RAP1GAP: variants seen among roughly 807,000 people sequenced by gnomAD.
RAP1GAP encodes RAP1 GTPase activating protein, also known as rap1 GTPase-activating protein 1.
RAP1GAP carries 35 observed loss-of-function variants against 87.2 expected under a neutral mutation model. That is an observed-to-expected ratio of 0.40 (90% CI 0.31 to 0.53). RAP1GAP has a LOEUF of 0.53. RAP1GAP is among the 20% of genes least tolerant of loss of function. The probability of loss-of-function intolerance (pLI) is 0.48; values close to 1 mark genes in which losing one functional copy is unlikely to be tolerated. For missense variants in RAP1GAP, 734 were observed against 898.9 expected (o/e 0.82, Z 2.35); for synonymous variants, 375 against 363.9 (o/e 1.03, Z -0.35).
intron 1 of RAP1GAP, among the ~76,000 whole-genome samples, chr1:21,660,437 G>A (rs1224584290): frequency 2.0e-5 from 3 of 149,414 alleles, no homozygotes; most frequent in African/African-American, 7.4e-5. Flanking sequence ...GGGTTCAAGC[G>A]ATTCTCTCGC....
At chr1:21,598,822 T>C (rs1646851038) in intron 21 of RAP1GAP, among the ~76,000 whole-genome samples, 2 of 152,234 alleles carry the variant, frequency 1.3e-5, no homozygotes, top group Non-Finnish European at 2.9e-5. Flanking sequence ...CAAGGCAGGC[T>C]GTGAAGAGAC....
intron 10 of RAP1GAP, among the ~76,000 whole-genome samples, chr1:21,612,818 C>T (rs2079222068): frequency 6.6e-6 from 1 of 152,200 alleles, no homozygotes; most frequent in Non-Finnish European, 1.5e-5. Context: ...TATAGGTCTC[C>T]TCTGGGATAA....
intron 13 of RAP1GAP, among the ~76,000 whole-genome samples, chr1:21,610,489 G>A (rs575353176): frequency 6.6e-6 from 1 of 152,266 alleles, no homozygotes; most frequent in East Asian, 1.9e-4. Flanking sequence ...GGTGATGAGG[G>A]TACACTAATA....
At chr1:21,632,652 C>A (rs948622267) in intron 2 of RAP1GAP, among the ~76,000 whole-genome samples, 19 of 152,202 alleles carry the variant, frequency 1.2e-4, no homozygotes, top group African/African-American at 4.6e-4. Context: ...GTAATCCCAG[C>A]ACTTTGGTAG....
At chr1:21,638,943 C>T (rs967698838) in intron 2 of RAP1GAP, among the ~76,000 whole-genome samples, 40 of 152,316 alleles carry the variant, frequency 2.6e-4, no homozygotes, top group East Asian at 3.9e-4. Flanking sequence ...TTCTGGCTGG[C>T]TCCCAAGCCC....
chr1:21,661,988 G>A (rs1432685254), intron 1 of RAP1GAP, among the ~76,000 whole-genome samples: 1 of 152,226 alleles, frequency 6.6e-6, no homozygotes, highest in Non-Finnish European at 1.5e-5. Context: ...GCCACTGAAG[G>A]GCGTGGTGTT....
chr1:21,626,428 A>T (rs2092078303), intron 2 of RAP1GAP, 31 bp from the exon 3 acceptor site: 1 of 1,567,914 alleles, frequency 6.4e-7, no homozygotes, highest in Non-Finnish European at 8.8e-7. Flanking sequence ...GGTCAGGGAG[A>T]GCCCCAAGCC....
intron 1 of RAP1GAP, among the ~76,000 whole-genome samples, chr1:21,663,190 C>G (rs1319603688): frequency 6.6e-6 from 1 of 152,194 alleles, no homozygotes; most frequent in Non-Finnish European, 1.5e-5. Context: ...CTGCCCAGTC[C>G]TGTTTCTAGA....
intron 3 of RAP1GAP, among the ~76,000 whole-genome samples, chr1:21,621,041 T>C (rs972955903): frequency 4.6e-5 from 7 of 152,102 alleles, no homozygotes; most frequent in Non-Finnish European, 1.0e-4. Context: ...CACACAAATA[T>C]ACACATTGGC....
chr1:21,617,830 G>A (rs2083281541), intron 6 of RAP1GAP, 104 bp downstream of exon 6: 15 of 1,494,178 alleles, frequency 1.0e-5, no homozygotes, highest in Non-Finnish European at 1.3e-5. Context: ...CCGCAGCAAG[G>A]CCTGCAGGTC....
At chr1:21,629,417 A>C (rs1379323340) in intron 2 of RAP1GAP, among the ~76,000 whole-genome samples, 1 of 152,170 alleles carries the variant, frequency 6.6e-6, no homozygotes, top group Non-Finnish European at 1.5e-5. Flanking sequence ...CATTTCACTC[A>C]GGATTGCTCA....
intron 2 of RAP1GAP, among the ~76,000 whole-genome samples, chr1:21,638,061 A>G (rs1040217776): frequency 1.5e-4 from 22 of 149,758 alleles, no homozygotes; most frequent in Non-Finnish European, 2.5e-4. Flanking sequence ...TGAGGTGGGA[A>G]GACTGATTGA....
intron 2 of RAP1GAP, among the ~76,000 whole-genome samples, chr1:21,635,533 T>C (rs2094545251): frequency 6.6e-6 from 1 of 152,208 alleles, no homozygotes; most frequent in Admixed American, 6.5e-5. Flanking sequence ...GCCTGGACTG[T>C]TCCTGAGGAG....
At chr1:21,626,279 C>T (rs776398350) in intron 3 of RAP1GAP, 25 bp downstream of exon 3, 16 of 1,559,588 alleles carry the variant, frequency 1.0e-5, no homozygotes, top group Admixed American at 5.0e-5. Flanking sequence ...GACCAGGGGC[C>T]GTAGGTATGG....
In RAP1GAP at chr1:21,598,455, G is replaced by A. The variant is rs1558584220; in HGVS notation, c.1824C>T (p.Ile608=). The A allele has an allele frequency of 1.2e-6, 2 of 1,614,000 alleles. No homozygotes were observed. Among genetic ancestry groups the A allele is most frequent in the Non-Finnish European group, 1.7e-6 (2 of 1,179,914 alleles). ...CACTGTCCTCCAGCCACGTGCTATA[G>A]ATGAAGGAGTCCCGCTTGTGGGGTG... The part of the protein sequence containing the change: ...SGTPHKRDSF[I]YSTWLEDSVS... The change falls in exon 22 of 25, where the codon ATC becomes ATT. Residue 608 remains isoleucine, a synonymous_variant. Coordinates refer to ENST00000374765, the MANE Select transcript of RAP1GAP (RefSeq NM_002885.4).
chr1:21,644,990 T>C (rs2095897193), intron 2 of RAP1GAP, among the ~76,000 whole-genome samples: 1 of 151,862 alleles, frequency 6.6e-6, no homozygotes, highest in Non-Finnish European at 1.5e-5. Flanking sequence ...TTACTTATAG[T>C]CTGCCTCCGC....
At chr1:21,604,024 A>C in intron 18 of RAP1GAP, 1 of 848,792 alleles carries the variant, frequency 1.2e-6, no homozygotes, top group Non-Finnish European at 1.8e-6. Flanking sequence ...GGAAAGGAGG[A>C]AGACAGACAG....
rs1291598917 is a variant in RAP1GAP, at chr1:21,615,230, C to T, written c.292-1141G>A. Among the ~76,000 whole-genome samples, 1 of 152,168 alleles carries T rather than the reference C, an allele frequency of 6.6e-6. No individual in the cohort carries two copies. The highest frequency in any genetic ancestry group is 2.1e-4 in the South Asian group (1 of 4,830). ...GGCTCAGGGTCCCAGGAAGTCAACG[C>T]CCAAAGTCATCCTAACCTCCCCTCT... On this transcript the variant is annotated intron_variant, in intron 7 of 24. Transcript: ENST00000374765. The surrounding 1 kb of genome is among the most constrained non-coding windows in gnomAD (Gnocchi z 4.5).
intron 3 of RAP1GAP, 51 bp from the exon 4 acceptor site, chr1:21,620,101 G>A: frequency 6.2e-7 from 1 of 1,609,608 alleles, no homozygotes; most frequent in Non-Finnish European, 8.5e-7. Flanking sequence ...CCAAGCCCCA[G>A]AGGAGTCTCC....
Sources: gnomAD v4.1 joint callset for allele counts (sites outside exome capture counted in the v4.1 genomes callset) on GRCh38, gnomAD v4.1.1 for gene constraint, Gnocchi (gnomAD v3.1) non-coding constraint, MANE v1.5 for transcripts, NCBI Gene and HGNC (gene_info 2026-07-23, HGNC 2026-07-21) for gene names.